The following ATF7IP variants were observed in gnomAD, a reference collection of about 807,000 sequenced individuals.
ATF7IP encodes the protein activating transcription factor 7 interacting protein, also known as activating transcription factor 7-interacting protein 1.
Under a neutral mutation model 106.4 loss-of-function variants are expected in ATF7IP, and 23 were observed. That is an observed-to-expected ratio of 0.22 (90% CI 0.16 to 0.31). The LOEUF is 0.31. Among genes scored for constraint, ATF7IP ranks in the 10% least tolerant of loss-of-function variants. ATF7IP has a pLI of 1.00. For synonymous variants in ATF7IP, 542 were observed against 539.0 expected, an observed-to-expected ratio of 1.01 and a Z score of -0.08; for missense variants, 1,334 against 1,524.3, an observed-to-expected ratio of 0.88 and a Z score of 2.08.
intron 1 of ATF7IP, among the ~76,000 whole-genome samples, chr12:14,370,096 C>T (rs976181801): frequency 3.3e-5 from 5 of 152,096 alleles, no homozygotes; most frequent in Admixed American, 6.6e-5. Context: ...TGCCACTATG[C>T]CCGGCTAATT....
At chr12:14,461,357 A>G (rs1420025356) in intron 9 of ATF7IP, among the ~76,000 whole-genome samples, 1 of 152,118 alleles carries the variant, frequency 6.6e-6, no homozygotes, top group Non-Finnish European at 1.5e-5. Context: ...TCTGTGTTTT[A>G]TCTTTTAGTA....
intron 13 of ATF7IP, among the ~76,000 whole-genome samples, chr12:14,484,291 CAG>C (rs1364512826): frequency 1.1e-4 from 17 of 152,112 alleles, no homozygotes; most frequent in Non-Finnish European, 1.6e-4. Flanking sequence ...TGGGTGATGA[CAG>C]GGGTGGCTGG....
intron 5 of ATF7IP, among the ~76,000 whole-genome samples, chr12:14,445,033 C>G (rs1473102850): frequency 7.0e-6 from 1 of 142,378 alleles, no homozygotes; most frequent in Non-Finnish European, 1.5e-5. Flanking sequence ...GCTCTGTCAT[C>G]CAGGCTGGAG....
At chr12:14,450,321 T>C (rs1321136595) in intron 6 of ATF7IP, among the ~76,000 whole-genome samples, 1 of 152,230 alleles carries the variant, frequency 6.6e-6, no homozygotes, top group East Asian at 1.9e-4. Context: ...ATGGCCTTTG[T>C]TAAATTGAGA....
chr12:14,472,668 C>T (rs1944096151), intron 10 of ATF7IP, among the ~76,000 whole-genome samples: 1 of 152,174 alleles, frequency 6.6e-6, no homozygotes, highest in Non-Finnish European at 1.5e-5. Context: ...ATGCCATTCA[C>T]ATGCTTTTGA....
intron 1 of ATF7IP, among the ~76,000 whole-genome samples, chr12:14,394,655 T>C (rs1363917992): frequency 6.6e-6 from 1 of 152,218 alleles, no homozygotes; most frequent in Non-Finnish European, 1.5e-5. Context: ...ATGGATTTTC[T>C]GTTTGGAATG....
At chr12:14,480,225 A>G (rs1201907107) in intron 12 of ATF7IP, among the ~76,000 whole-genome samples, 5 of 152,120 alleles carry the variant, frequency 3.3e-5, no homozygotes, top group Non-Finnish European at 5.9e-5. Context: ...TATAGTTACT[A>G]TGTGGTCATT....
chr12:14,418,714 T>C (rs1941336735), intron 1 of ATF7IP, among the ~76,000 whole-genome samples: 1 of 152,190 alleles, frequency 6.6e-6, no homozygotes, highest in African/African-American at 2.4e-5. Flanking sequence ...GTTACTTCCT[T>C]ATTGCTTTGT....
intron 1 of ATF7IP, among the ~76,000 whole-genome samples, chr12:14,410,830 G>A (rs1379092286): frequency 6.6e-6 from 1 of 152,088 alleles, no homozygotes; most frequent in Non-Finnish European, 1.5e-5. Context: ...GTGGGTGTTT[G>A]GGAATGTATC....
intron 1 of ATF7IP, among the ~76,000 whole-genome samples, chr12:14,412,824 G>A (rs1042741239): frequency 6.6e-6 from 1 of 152,012 alleles, no homozygotes; most frequent in African/African-American, 2.4e-5. Context: ...GACCAGCCTG[G>A]CCAACATGGT....
chr12:14,401,714 C>CTTTTTTT (rs3083699), intron 1 of ATF7IP, among the ~76,000 whole-genome samples: 72 of 76,884 alleles, frequency 9.4e-4, no homozygotes, highest in Non-Finnish European at 1.4e-3. Flanking sequence ...AGAGATTAAG[C>CTTTTTTT]TTTTTTTTTT....
chr12:14,489,447 A>C (rs1279085061), intron 13 of ATF7IP, among the ~76,000 whole-genome samples: 1 of 152,160 alleles, frequency 6.6e-6, no homozygotes, highest in Non-Finnish European at 1.5e-5. Context: ...CCTCTAGGCC[A>C]GCAGAACGTA....
chr12:14,435,549 AT>A (rs34301055), intron 3 of ATF7IP, among the ~76,000 whole-genome samples: 1 of 152,224 alleles, frequency 6.6e-6, no homozygotes, highest in Non-Finnish European at 1.5e-5. Flanking sequence ...TCTAGTCTAT[AT>A]TCTTTATAAA....
In ATF7IP at chr12:14,496,308, C is replaced by T; in HGVS notation, c.3358C>T (p.Leu1120Phe). 6.2e-7 allele frequency: 1 copy of T among 1,613,892 alleles called. No individual in the cohort carries two copies. The highest frequency in any genetic ancestry group is 1.1e-5 in the South Asian group (1 of 91,074). ...GLTLGSTGPQLTVHHRPPQVH... is the reference protein window; with the variant it reads ...GLTLGSTGPQFTVHHRPPQVH... ...AACCCTGGGATCAACAGGACCTCAGCTCACAGTGCATCACCGACCACCACA... is the reference window on the plus strand; with the variant it reads ...AACCCTGGGATCAACAGGACCTCAGTTCACAGTGCATCACCGACCACCACA... The change falls in exon 14 of 15, where the codon CTC becomes TTC. Residue 1120 changes from leucine to phenylalanine, a missense_variant. By Grantham distance (22) the Leu-to-Phe change is conservative. Transcript: ENST00000261168.
Position 14,473,139 on chromosome 12 carries a change from A to G in ATF7IP, c.2863-2751A>G, listed in dbSNP as rs563719898. Among the ~76,000 whole-genome samples, 96 of 151,654 alleles carry G rather than the reference A, an allele frequency of 6.3e-4. 1 individual carries two copies. The highest frequency in any genetic ancestry group is 2.2e-3 in the African/African-American group (92 of 41,362). ...TGATAGGATTGTGTTTAGGTCTGCT[A>G]TTTTGCTATTTGTTTTCTATTCATT... On this transcript the variant is annotated intron_variant, in intron 10 of 14. Transcript: ENST00000261168.
intron 5 of ATF7IP, among the ~76,000 whole-genome samples, chr12:14,445,587 C>T (rs1423369691): frequency 6.6e-6 from 1 of 152,070 alleles, no homozygotes; most frequent in Non-Finnish European, 1.5e-5. Flanking sequence ...TGATCTTGAG[C>T]CTTAATAACA....
chr12:14,387,725 C>T (rs978875042), intron 1 of ATF7IP, among the ~76,000 whole-genome samples: 2 of 152,128 alleles, frequency 1.3e-5, no homozygotes, highest in Admixed American at 1.3e-4. Flanking sequence ...TGATAGTTCT[C>T]AAATTTTCTG....
At chr12:14,422,349 A>G (rs962169738) in intron 1 of ATF7IP, among the ~76,000 whole-genome samples, 4 of 146,646 alleles carry the variant, frequency 2.7e-5, no homozygotes, top group African/African-American at 1.1e-4. Flanking sequence ...ACACACACAC[A>G]CACACACAAC....
chr12:14,468,381 C>T (rs1230423630), intron 10 of ATF7IP, among the ~76,000 whole-genome samples: 1 of 150,844 alleles, frequency 6.6e-6, no homozygotes, highest in African/African-American at 2.4e-5. Flanking sequence ...TGGCTCACGT[C>T]TATAATCCCG....
Sources: gnomAD v4.1 joint callset for allele counts (sites outside exome capture counted in the v4.1 genomes callset) on GRCh38, gnomAD v4.1.1 for gene constraint, MANE v1.5 for transcripts, NCBI Gene and HGNC (gene_info 2026-07-23, HGNC 2026-07-21) for gene names.